Variants in ADCY9 observed in about 807,000 individuals in gnomAD.
ADCY9 encodes adenylate cyclase type 9.
ADCY9 carries 50 observed loss-of-function variants against 101.5 expected under a neutral mutation model. The ratio of observed to expected loss-of-function variants is 0.49; its 90% CI spans 0.39 to 0.62. The LOEUF (loss-of-function observed/expected upper bound fraction) is 0.62, where lower values mean the gene tolerates loss of function less well. Among genes scored for constraint, ADCY9 ranks in the 20% least tolerant of loss-of-function variants. The probability of loss-of-function intolerance (pLI) is 0.00; values close to 1 mark genes in which losing one functional copy is unlikely to be tolerated. For synonymous variants in ADCY9, 905 were observed against 769.3 expected (o/e 1.18, Z -2.92); for missense variants, 1,662 against 1,800.4 (o/e 0.92, Z 1.39).
intron 2 of ADCY9, among the ~76,000 whole-genome samples, chr16:4,028,240 A>G (rs1429368552): frequency 6.6e-6 from 1 of 152,238 alleles, no homozygotes; most frequent in East Asian, 1.9e-4. Context: ...TTACCATACA[A>G]TCTTGCAATT....
At position 3,992,827 on chromosome 16, in the gene ADCY9, C is replaced by A. The variant is rs2056256327; in HGVS notation, c.1990-464G>T. Among the ~76,000 whole-genome samples the A allele has an allele frequency of 6.6e-6, 1 of 152,108 alleles. No individual in the cohort carries two copies. The highest frequency in any genetic ancestry group is 1.5e-5 in the Non-Finnish European group (1 of 68,008). On this transcript the variant is annotated intron_variant, in intron 4 of 10. Transcript: ENST00000294016. This position sits in a 1 kb window ranked among gnomAD's most constrained non-coding sequence, Gnocchi z 4.2. Reference sequence around the variant, plus strand: ...CTCGTGTCGTGGGTGTCCCCCGTGGCTGTGGGAAGGCATGGGATGACCTGC... The same window carrying A: ...CTCGTGTCGTGGGTGTCCCCCGTGGATGTGGGAAGGCATGGGATGACCTGC...
chr16:3,977,744 T>A, intron 8 of ADCY9, 114 bp from the exon 9 acceptor site: 6 of 1,333,880 alleles, frequency 4.5e-6, no homozygotes, highest in Non-Finnish European at 6.1e-6. Flanking sequence ...TTTGACTGAG[T>A]CTCACTCTGT....
At chr16:3,983,154 C>A in intron 7 of ADCY9, 78 bp downstream of exon 7, 1 of 1,360,180 alleles carries the variant, frequency 7.4e-7, no homozygotes, top group Non-Finnish European at 9.9e-7. Context: ...ACCAGTCCAA[C>A]CGCTCAGCCA....
intron 2 of ADCY9, among the ~76,000 whole-genome samples, chr16:4,091,294 G>A (rs1374360415): frequency 1.3e-5 from 2 of 152,026 alleles, no homozygotes; most frequent in Admixed American, 1.3e-4. Context: ...GGCTGGTCTC[G>A]AACTCCTGAC....
rs549626089 is a variant in ADCY9, at chr16:4,112,068, G to A, written c.1693+1682C>T. 7.2e-5 allele frequency among the ~76,000 whole-genome samples: 11 copies of A among 152,076 alleles called. No homozygotes were observed. In the South Asian group the frequency reaches 2.3e-3, roughly 32 times the overall value. On this transcript the variant is annotated intron_variant, in intron 2 of 10. Transcript: ENST00000294016. ...TCTGGGCCAACATATTTAATTTAAC[G>A]TACTGCCGCCCAGCTCCACCGTCCC...
chr16:4,053,632 A>G (rs1422045545), intron 2 of ADCY9, among the ~76,000 whole-genome samples: 2 of 152,028 alleles, frequency 1.3e-5, no homozygotes, highest in Non-Finnish European at 2.9e-5. Flanking sequence ...GGAGACTGAA[A>G]ATAACATTTT....
At chr16:4,015,925 G>A (rs552344354) in intron 2 of ADCY9, among the ~76,000 whole-genome samples, 1 of 151,332 alleles carries the variant, frequency 6.6e-6, no homozygotes, top group East Asian at 1.9e-4. Flanking sequence ...CCGAGATCAC[G>A]CCACTGCACT....
intron 2 of ADCY9, among the ~76,000 whole-genome samples, chr16:4,079,160 T>C (rs1282022462): frequency 6.6e-6 from 1 of 152,230 alleles, no homozygotes; most frequent in Admixed American, 6.5e-5. Flanking sequence ...TATTGTGATA[T>C]ACAATGATTC....
intron 3 of ADCY9, among the ~76,000 whole-genome samples, chr16:4,005,961 C>T (rs2056364392): frequency 6.6e-6 from 1 of 152,178 alleles, no homozygotes; most frequent in Admixed American, 6.5e-5. Context: ...GCTCCATTTT[C>T]TGACTCCTGC....
intron 2 of ADCY9, among the ~76,000 whole-genome samples, chr16:4,013,950 T>G (rs1196288662): frequency 6.6e-6 from 1 of 152,232 alleles, no homozygotes; most frequent in African/African-American, 2.4e-5. Context: ...TTGTTCTTGT[T>G]GTCCCAATAT....
chr16:4,103,999 A>G (rs1191264081), intron 2 of ADCY9, among the ~76,000 whole-genome samples: 2 of 152,154 alleles, frequency 1.3e-5, no homozygotes, highest in African/African-American at 4.8e-5. Context: ...CCTGGAGAAA[A>G]GCAGCTGTGC....
intron 2 of ADCY9, among the ~76,000 whole-genome samples, chr16:4,085,364 A>T (rs1232733676): frequency 1.3e-5 from 2 of 152,102 alleles, no homozygotes; most frequent in Non-Finnish European, 2.9e-5. Context: ...TCTGCCTCAA[A>T]AATGAAGGAG....
At chr16:4,079,326 T>G (rs2056887469) in intron 2 of ADCY9, among the ~76,000 whole-genome samples, 1 of 152,226 alleles carries the variant, frequency 6.6e-6, no homozygotes, top group African/African-American at 2.4e-5. Context: ...CCCAGCACTT[T>G]GGGAGGCCAA....
chr16:3,979,443 G>A (rs1378554604), intron 7 of ADCY9, among the ~76,000 whole-genome samples, 168 bp from the exon 8 acceptor site: 2 of 152,236 alleles, frequency 1.3e-5, no homozygotes, highest in Non-Finnish European at 2.9e-5. Flanking sequence ...CTCACTTTTG[G>A]TAGAAGGCAA....
rs936423480 is a variant in ADCY9 at position 4,018,769 on chromosome 16, T to C, written c.1694-11211A>G. 4.6e-5 allele frequency among the ~76,000 whole-genome samples: 7 copies of C among 152,194 alleles called. No homozygotes were observed. In the South Asian group the frequency reaches 1.4e-3, roughly 31 times the overall value. ...GCTGACAGTTTCCCAGACTGTGTTTTCTTGTTTACAGAGCACATGCAGACT... is the reference window on the plus strand; with the variant it reads ...GCTGACAGTTTCCCAGACTGTGTTTCCTTGTTTACAGAGCACATGCAGACT... On this transcript the variant is annotated intron_variant, in intron 2 of 10. Transcript: ENST00000294016.
chr16:4,036,470 T>G (rs1448562435), intron 2 of ADCY9, among the ~76,000 whole-genome samples: 1 of 142,904 alleles, frequency 7.0e-6, no homozygotes, highest in Non-Finnish European at 1.5e-5. Context: ...TTGTTTTTTT[T>G]TTTTTTTTTT....
At chr16:4,059,795 G>T (rs910356148) in intron 2 of ADCY9, among the ~76,000 whole-genome samples, 1 of 152,180 alleles carries the variant, frequency 6.6e-6, no homozygotes, top group African/African-American at 2.4e-5. Context: ...CCACTCAGGA[G>T]GCTGAGGTGG....
chr16:3,966,029 T>C lies in ADCY9; in HGVS notation c.3808A>G (p.Ile1270Val). Residue 1270 changes from isoleucine (I) to valine (V), a missense_variant, in exon 11 of 11, where the codon ATC becomes GTC. Physicochemically the swap from Ile to Val is conservative, Grantham distance 29 (BLOSUM62 3). Around this residue, in one of 5 missense-constraint regions of ADCY9, gnomAD observed 168 missense variants for 155.3 expected, o/e 1.08. Transcript: ENST00000294016. ...PDIRVQVDGS[I>V]GRSPTDEIAN... is the part of the protein sequence containing the mutation. ...ATCTCGTCTGTGGGAGACCGTCCGA[T>C]GCTGCCATCCACCTGGACGCGGATG... The C allele has an allele frequency of 6.2e-7, 1 of 1,614,212 alleles. No homozygotes were observed. The highest frequency in any genetic ancestry group is 1.1e-5 in the South Asian group (1 of 91,082).
Position 4,114,919 on chromosome 16 carries a change from G to A in ADCY9, c.524C>T (p.Thr175Ile), listed in dbSNP as rs142649683. The A allele has an allele frequency of 9.8e-4, 1,588 of 1,613,816 alleles. 4 individuals carry two copies. The highest frequency in any genetic ancestry group is 1.2e-3 in the Non-Finnish European group (1,433 of 1,180,044). The change falls in exon 2 of 11, where the codon ACC becomes ATC. Residue 175 changes from threonine (T) to isoleucine (I), a missense_variant. Physicochemically the swap from Thr to Ile is moderately conservative, Grantham distance 89. This residue lies in a region of ADCY9 where 422 missense variants were observed against 392.0 expected (regional missense o/e 1.08). Transcript: ENST00000294016. This position sits in a 1 kb window ranked among gnomAD's most constrained non-coding sequence, Gnocchi z 4.3. ...TKLYARHYAW[T>I]SLALTLLVFA... ...CACCAGCAGGGTGAGAGCCAGCGAG[G>A]TCCACGCGTAATGCCGGGCGTACAG... is the stretch of plus-strand genomic sequence containing the variant.
Sources: gnomAD v4.1 joint callset for allele counts (sites outside exome capture counted in the v4.1 genomes callset) on GRCh38, gnomAD v4.1.1 for gene constraint, gnomAD v4.1.1 regional missense constraint, Gnocchi (gnomAD v3.1) non-coding constraint, MANE v1.5 for transcripts, NCBI Gene and HGNC (gene_info 2026-07-23, HGNC 2026-07-21) for gene names.